GRIA3: variants seen among roughly 807,000 people sequenced by gnomAD.
GRIA3 encodes the protein glutamate receptor 3.
Under a neutral mutation model 63.0 loss-of-function variants are expected in GRIA3, and 3 were observed. The observed-to-expected ratio is 0.05, with a 90% CI of 0.02 to 0.12. The LOEUF (loss-of-function observed/expected upper bound fraction) is 0.12, where lower values mean the gene tolerates loss of function less well. GRIA3 is among the 10% of genes least tolerant of loss of function. The probability of loss-of-function intolerance (pLI) is 1.00; values close to 1 mark genes in which losing one functional copy is unlikely to be tolerated. For missense variants in GRIA3, 347 were observed against 700.9 expected (o/e 0.50, Z 5.70); for synonymous variants, 274 against 257.9 (o/e 1.06, Z -0.60).
chrX:123,296,532 T>C (rs765576190), intron 3 of GRIA3, among the ~76,000 whole-genome samples: 15 of 111,039 alleles, frequency 1.4e-4, no homozygotes, highest in Non-Finnish European at 2.1e-4. Context: ...TGACTTGAGA[T>C]AAATCACGCT....
intron 13 of GRIA3, among the ~76,000 whole-genome samples, chrX:123,477,307 T>C (rs1412890005): frequency 8.9e-6 from 1 of 112,722 alleles, no homozygotes; most frequent in Non-Finnish European, 1.9e-5. Context: ...CATGTATTCA[T>C]TGATTCATTT....
intron 2 of GRIA3, among the ~76,000 whole-genome samples, chrX:123,191,034 T>C (rs1927419136): frequency 8.9e-6 from 1 of 112,310 alleles, no homozygotes; most frequent in South Asian, 3.7e-4. Flanking sequence ...TGGCATAGAT[T>C]TTAAGACAGG....
intron 2 of GRIA3, among the ~76,000 whole-genome samples, chrX:123,225,173 G>A (rs778039770): frequency 1.8e-5 from 2 of 111,891 alleles, no homozygotes; most frequent in South Asian, 3.7e-4. Flanking sequence ...AAGTCAACCG[G>A]TGTCTCTAAG....
At chrX:123,462,265 C>T (rs1370175977) in intron 12 of GRIA3, among the ~76,000 whole-genome samples, 1 of 111,548 alleles carries the variant, frequency 9.0e-6, no homozygotes, top group Non-Finnish European at 1.9e-5. Flanking sequence ...GATCTTATCA[C>T]ACCCCTCCTC....
In GRIA3 at chrX:123,421,401, GAACTATT is replaced by G. The variant is rs765262936; in HGVS notation, c.1877+3627_1877+3633del. The stretch of plus-strand genomic sequence containing the variant: ...AACAGCAATCACTGTGATGTTTCTA[GAACTATT>G]AACAGATTTAGAAATTTCTGATAAT... On this transcript the variant is annotated intron_variant, in intron 11 of 15. Transcript: ENST00000620443. Among the ~76,000 whole-genome samples, 285 of 111,961 alleles carry G rather than the reference GAACTATT, an allele frequency of 2.5e-3. 1 individual carries two copies. Among genetic ancestry groups the G allele is most frequent in the African/African-American group, 8.7e-3 (268 of 30,900 alleles).
chrX:123,473,777 T>TA (rs2045875091), intron 13 of GRIA3, among the ~76,000 whole-genome samples: 1 of 112,011 alleles, frequency 8.9e-6, no homozygotes, highest in Admixed American at 9.5e-5. Context: ...TAAGTTTCCA[T>TA]TCTCGTCATC....
At chrX:123,283,568 G>A (rs953184474) in intron 3 of GRIA3, among the ~76,000 whole-genome samples, 2 of 111,000 alleles carry the variant, frequency 1.8e-5, no homozygotes, top group African/African-American at 6.6e-5. Flanking sequence ...GGGGAGGGGC[G>A]TCCACCATTA....
intron 2 of GRIA3, among the ~76,000 whole-genome samples, chrX:123,231,856 T>G (rs2044277950): frequency 9.0e-6 from 1 of 111,598 alleles, no homozygotes; most frequent in East Asian, 2.8e-4. Context: ...AGAGATATAT[T>G]TTCAGAAGTA....
chrX:123,330,933 C>T (rs2044937194), intron 4 of GRIA3, among the ~76,000 whole-genome samples: 1 of 111,861 alleles, frequency 8.9e-6, no homozygotes, highest in Non-Finnish European at 1.9e-5. Flanking sequence ...AGTAAATATC[C>T]TTATAGAAGA....
rs773145514 is a variant in GRIA3 at position 123,476,141 on chromosome X, C to A, written c.2325-3922C>A. On this transcript the variant is annotated intron_variant, in intron 13 of 15. Coordinates refer to ENST00000620443, the MANE Select transcript of GRIA3 (RefSeq NM_007325.5). Reference sequence around the variant, plus strand: ...GACAAGTATTTATTAAGAAAAATATCCTAAATGGAGATACAAATACATGAG... The same window carrying A: ...GACAAGTATTTATTAAGAAAAATATACTAAATGGAGATACAAATACATGAG... Among the ~76,000 whole-genome samples, 7 of 110,909 alleles carry A rather than the reference C, an allele frequency of 6.3e-5. No homozygotes were observed. The East Asian group carries it at 1.7e-3, about 27-fold the overall frequency.
intron 2 of GRIA3, among the ~76,000 whole-genome samples, chrX:123,194,477 A>C (rs2147249847): frequency 9.0e-6 from 1 of 111,448 alleles, no homozygotes; most frequent in Admixed American, 9.5e-5. Context: ...TTGCACAATT[A>C]AGATTAGTAA....
intron 3 of GRIA3, among the ~76,000 whole-genome samples, chrX:123,295,589 C>A (rs1327700833): frequency 2.7e-5 from 3 of 110,683 alleles, no homozygotes; most frequent in Non-Finnish European, 5.7e-5. Flanking sequence ...TTATGGTCAC[C>A]CTGCAAGAAA....
intron 12 of GRIA3, among the ~76,000 whole-genome samples, chrX:123,458,928 C>A (rs1603167982): frequency 9.0e-6 from 1 of 111,451 alleles, no homozygotes; most frequent in East Asian, 2.8e-4. Context: ...GTGATTTCTC[C>A]CATAAAATGA....
intron 13 of GRIA3, among the ~76,000 whole-genome samples, chrX:123,479,847 G>A (rs2045904229): frequency 1.8e-5 from 2 of 111,800 alleles, no homozygotes; most frequent in Admixed American, 1.9e-4. Flanking sequence ...AGTGTGTGCC[G>A]ATTACTCAAA....
intron 13 of GRIA3, among the ~76,000 whole-genome samples, chrX:123,471,692 G>T (rs191987639): frequency 1.8e-5 from 2 of 110,451 alleles, no homozygotes; most frequent in East Asian, 5.7e-4. Context: ...CTGAAAGGTA[G>T]GACAGCCATG....
chrX:123,461,612 T>C (rs964980147), intron 12 of GRIA3, among the ~76,000 whole-genome samples: 1 of 111,509 alleles, frequency 9.0e-6, no homozygotes, highest in East Asian at 2.8e-4. Flanking sequence ...ACATAAGAGT[T>C]TGGATTTTTT....
intron 12 of GRIA3, among the ~76,000 whole-genome samples, chrX:123,438,290 T>C (rs955170500): frequency 8.9e-6 from 1 of 112,380 alleles, no homozygotes; most frequent in Admixed American, 9.4e-5. Context: ...TCTTCAAGCT[T>C]CATACATGTT....
chrX:123,362,163 A>C (rs779320110), intron 5 of GRIA3, among the ~76,000 whole-genome samples: 10 of 111,851 alleles, frequency 8.9e-5, no homozygotes, highest in African/African-American at 2.9e-4. Flanking sequence ...CTGTATGTCC[A>C]ACAACTTGTT....
chrX:123,465,710 G>A, intron 13 of GRIA3: 1 of 1,208,976 alleles, frequency 8.3e-7, no homozygotes, highest in Non-Finnish European at 1.1e-6. Context: ...AACTGAATGA[G>A]CAAGGCCTCT....
Sources: gnomAD v4.1 joint callset for allele counts (sites outside exome capture counted in the v4.1 genomes callset) on GRCh38, gnomAD v4.1.1 for gene constraint, MANE v1.5 for transcripts, NCBI Gene and HGNC (gene_info 2026-07-23, HGNC 2026-07-21) for gene names.